Variants in PKD1 observed in about 807,000 individuals in gnomAD.
PKD1 encodes polycystin 1, transient receptor potential channel interacting, also known as polycystin-1.
A neutral mutation model predicts 361.7 loss-of-function variants in PKD1; 81 were observed. The ratio of observed to expected loss-of-function variants is 0.22; its 90% confidence interval spans 0.19 to 0.27. The LOEUF is 0.27. PKD1 is among the 10% of genes least tolerant of loss of function. The pLI, the probability that PKD1 is intolerant of heterozygous loss-of-function variation, is 1.00. For synonymous variants in PKD1, 3,615 were observed against 2,818.3 expected, an observed-to-expected ratio of 1.28 and a Z score of -8.95; for missense variants, 6,399 against 6,118.3, an observed-to-expected ratio of 1.05 and a Z score of -1.53.
rs1198592045 is a variant in PKD1, at chr16:2,102,969, G to C, written c.8793C>G (p.Gly2931=). The change falls in exon 24 of 46, where the codon GGC becomes GGG. Residue 2931 remains glycine, a splice_region_variant and synonymous_variant. Coordinates refer to ENST00000262304, the MANE Select transcript of PKD1 (RefSeq NM_001009944.3). ...HLQLNYTLLD[G]HYLSEEPEPY... Reference sequence around the variant, plus strand: ...GCTCAGGTTCCTCAGACAGGTAGTGGCCTGGGGCAGAACGCGCAGGTCACA... The same window carrying C: ...GCTCAGGTTCCTCAGACAGGTAGTGCCCTGGGGCAGAACGCGCAGGTCACA... 6.2e-7 allele frequency: 1 copy of C among 1,604,004 alleles called. No homozygotes were observed. The highest frequency in any genetic ancestry group is 1.1e-5 in the South Asian group (1 of 90,994).
intron 1 of PKD1, among the ~76,000 whole-genome samples, chr16:2,129,541 ATTTTTTTTTTTT>A (rs71148122): frequency 1.4e-5 from 1 of 72,098 alleles, no homozygotes; most frequent in Non-Finnish European, 2.5e-5. Context: ...AGATCCTGTG[ATTTTTTTTTTTT>A]TTTTTTTTTT....
chr16:2,105,265 T>G, intron 21 of PKD1, 57 bp downstream of exon 21: 4 of 1,574,872 alleles, frequency 2.5e-6, no homozygotes, highest in Non-Finnish European at 3.4e-6. Flanking sequence ...CCTGGGGGGC[T>G]GAACCCAGTG....
In PKD1 at chr16:2,100,373, A is replaced by G; in HGVS notation, c.9568+23T>C. On this transcript the variant is annotated intron_variant, in intron 27 of 45. Coordinates refer to ENST00000262304, the MANE Select transcript of PKD1 (RefSeq NM_001009944.3). This position sits in a 1 kb window ranked among gnomAD's most constrained non-coding sequence, Gnocchi z 4.4. Reference sequence around the variant, plus strand: ...CCCCAATGCGGGGGCAGAGGGGCAGAGCTTGGCAGGGTCCGCACAAACCTT... The same window carrying G: ...CCCCAATGCGGGGGCAGAGGGGCAGGGCTTGGCAGGGTCCGCACAAACCTT... The G allele has an allele frequency of 6.2e-7, 1 of 1,611,170 alleles. No homozygotes were observed. Among genetic ancestry groups the G allele is most frequent in the East Asian group, 2.2e-5 (1 of 44,876 alleles).
At position 2,114,698 on chromosome 16, in the gene PKD1, C is replaced by T. The variant is rs1378165244; in HGVS notation, c.2325G>A (p.Thr775=). 1.7e-5 allele frequency: 26 copies of T among 1,535,996 alleles called. No homozygotes were observed. Among genetic ancestry groups the T allele is most frequent in the Non-Finnish European group, 2.0e-5 (23 of 1,148,098 alleles). ...AGCCCAGCAGCACGGTGAGCTGTTC[C>T]GTGGCTGCAAGCAGCCGCAGGGCAC... The part of the protein sequence containing the change: ...PACALRLLAA[T]EQLTVLLGLR... The change falls in exon 11 of 46, where the codon ACG becomes ACA. Residue 775 remains threonine (T), a synonymous_variant. Coordinates refer to ENST00000262304, the MANE Select transcript of PKD1 (RefSeq NM_001009944.3).
Position 2,108,328 on chromosome 16 carries a change from T to A in PKD1, c.6839A>T (p.Glu2280Val). 6.2e-7 allele frequency: 1 copy of A among 1,606,320 alleles called. No individual in the cohort carries two copies. The highest frequency in any genetic ancestry group is 8.5e-7 in the Non-Finnish European group (1 of 1,176,270). The part of the protein sequence containing the change: ...DTRDLVLDGS[E>V]SYDPNLEDGD... ...GTCCTCCAGGTTGGGGTCGTAGGAC[T>A]CGCTCCCATCCAGCACCAGGTCCCG... Residue 2280 changes from glutamate (E) to valine (V), a missense_variant, in exon 15 of 46, where the codon GAG (glutamate) becomes GTG (valine). By Grantham distance (121) the Glu-to-Val change is moderately radical. Transcript: ENST00000262304.
intron 22 of PKD1, 76 bp downstream of exon 22, chr16:2,104,422 C>T (rs190079885): frequency 0.013 from 13,592 of 1,021,612 alleles, 106 homozygotes; most frequent in Non-Finnish European, 0.017. Context: ...AAAGGCGACG[C>T]GGTTGGGGGG....
At chr16:2,098,155 C>T (rs1286008413) in intron 30 of PKD1, 171 bp from the exon 31 acceptor site, 14 of 608,418 alleles carry the variant, frequency 2.3e-5, no homozygotes, top group South Asian at 3.8e-5. Context: ...CCCCTCGCGA[C>T]GTGTGCCACT....
In PKD1 at chr16:2,109,748, T is replaced by C. The variant is rs2092451879; in HGVS notation, c.5419A>G (p.Ile1807Val). 2 of 1,609,416 alleles carry C rather than the reference T, an allele frequency of 1.2e-6. No individual in the cohort carries two copies. The highest frequency in any genetic ancestry group is 1.7e-6 in the Non-Finnish European group (2 of 1,179,282). Residue 1807 changes from isoleucine to valine, a missense_variant, in exon 15 of 46, where the codon ATC becomes GTC. By Grantham distance (29) the Ile-to-Val change is conservative (BLOSUM62 3). Transcript: ENST00000262304. Reference sequence around the variant, plus strand: ...CTGCCTCCGGGCTCGCTGGCCCTGATGCTGAGGCCACTCACAGGCACCTGC... The same window carrying C: ...CTGCCTCCGGGCTCGCTGGCCCTGACGCTGAGGCCACTCACAGGCACCTGC... Reference protein sequence around the residue: ...DVQVPVSGLSIRASEPGGSFV... With the variant: ...DVQVPVSGLSVRASEPGGSFV...
At chr16:2,117,271 T>G (rs2092653309) in intron 6 of PKD1, among the ~76,000 whole-genome samples, 1 of 152,114 alleles carries the variant, frequency 6.6e-6, no homozygotes, top group African/African-American at 2.4e-5. Flanking sequence ...CCACCTCCCG[T>G]ATGGCGTGCC....
rs538602738 is a variant in PKD1 at position 2,109,797 on chromosome 16, G to A, written c.5370C>T (p.Ala1790=). Residue 1790 remains alanine, a synonymous_variant, in exon 15 of 46, where the codon GCC becomes GCT. Coordinates refer to ENST00000262304, the MANE Select transcript of PKD1 (RefSeq NM_001009944.3). The stretch of plus-strand genomic sequence containing the variant: ...GCACATCCACTTCCACGGTGGCGTT[G>A]GCTGAGCCCAGCGGGTTCCCTGCCG... ...TMTAGNPLGS[A]NATVEVDVQV... 3.2e-5 allele frequency: 52 copies of A among 1,610,268 alleles called. No homozygotes were observed. In the African/African-American group the frequency reaches 5.3e-4, roughly 17 times the overall value.
chr16:2,130,917 C>G (rs1210707687), intron 1 of PKD1, among the ~76,000 whole-genome samples: 1 of 152,190 alleles, frequency 6.6e-6, no homozygotes, highest in African/African-American at 2.4e-5. Context: ...AGCAGCAGAC[C>G]CAGGTGACCC....
intron 16 of PKD1, 95 bp from the exon 17 acceptor site, chr16:2,107,043 T>C: frequency 8.3e-7 from 1 of 1,211,702 alleles, no homozygotes; most frequent in Non-Finnish European, 1.2e-6. Context: ...AAACTCCAGG[T>C]TTCCCAGGGG....
At chr16:2,115,099 C>T in intron 10 of PKD1, 174 bp from the exon 11 acceptor site, 1 of 984,552 alleles carries the variant, frequency 1.0e-6, no homozygotes, top group Non-Finnish European at 1.2e-6. Flanking sequence ...CCGGGGGACA[C>T]ACGGGGAGAG....
Position 2,116,619 on chromosome 16 carries a change from G to A in PKD1, c.1632C>T (p.Leu544=). The A allele has an allele frequency of 5.2e-6, 8 of 1,552,076 alleles. No individual in the cohort carries two copies. Among genetic ancestry groups the A allele is most frequent in the Non-Finnish European group, 6.1e-6 (7 of 1,152,580 alleles). The change falls in exon 8 of 46, where the codon CTC becomes CTT. Residue 544 remains leucine, a synonymous_variant. Coordinates refer to ENST00000262304, the MANE Select transcript of PKD1 (RefSeq NM_001009944.3). ...PGGPVQDAEN[L]LVGAPSGDLQ... ...GGTCCCCACTGGGCGCTCCCACGAG[G>A]AGGTTCTCGGCATCCTGCACTGGGC... is the stretch of plus-strand genomic sequence containing the variant.
Position 2,100,298 on chromosome 16 carries a change from C to T in PKD1, c.9580G>A (p.Ala3194Thr). 1.2e-6 allele frequency: 2 copies of T among 1,610,808 alleles called. No homozygotes were observed. Among genetic ancestry groups the T allele is most frequent in the Non-Finnish European group, 1.7e-6 (2 of 1,179,750 alleles). ...VWHDNKGLSPAWFLQHVIVRD... is the reference protein window; with the variant it reads ...VWHDNKGLSPTWFLQHVIVRD... ...ACGATGACGTGCTGCAGGAACCAGG[C>T]AGGGCTGAGCCCTGCAGAGGCGCAG... Residue 3194 changes from alanine (A) to threonine (T), a missense_variant, in exon 28 of 46, where the codon GCC becomes ACC. Ala to Thr is a moderately conservative substitution (Grantham distance 58). Transcript: ENST00000262304. The surrounding 1 kb of genome is among the most constrained non-coding windows in gnomAD (Gnocchi z 4.4).
intron 38 of PKD1, 112 bp downstream of exon 38, chr16:2,092,842 G>C: frequency 3.0e-6 from 4 of 1,350,362 alleles, no homozygotes; most frequent in Non-Finnish European, 1.1e-6. Flanking sequence ...CCTACCTCCA[G>C]TTCTAGCAGC....
At chr16:2,091,753 C>A in intron 41 of PKD1, 28 bp downstream of exon 41, 1 of 1,608,256 alleles carries the variant, frequency 6.2e-7, no homozygotes. Context: ...GCGGCCACCC[C>A]GGAGAGGGCA....
At chr16:2,098,268 G>T in intron 30 of PKD1, 1 of 504,560 alleles carries the variant, frequency 2.0e-6, no homozygotes, top group South Asian at 2.1e-5. Flanking sequence ...GAGTGCAATG[G>T]CGCAATCTCA....
chr16:2,123,306 C>T lies in PKD1; in HGVS notation c.216-3928G>A, dbSNP rs1359761994. 6.6e-5 allele frequency among the ~76,000 whole-genome samples: 10 copies of T among 152,128 alleles called. No homozygotes were observed. In the East Asian group the frequency reaches 1.4e-3, roughly 21 times the overall value. On this transcript the variant is annotated intron_variant, in intron 1 of 45. Coordinates refer to ENST00000262304, the MANE Select transcript of PKD1 (RefSeq NM_001009944.3). The stretch of plus-strand genomic sequence containing the variant: ...CAGTGGAATGAAGCTGGGGCCCAGA[C>T]AGGAGCCAGGTGCAGTCCCCCAGCC...
Sources: allele counts gnomAD v4.1 joint callset (sites outside exome capture counted in the v4.1 genomes callset), GRCh38; gene constraint gnomAD v4.1.1; non-coding constraint Gnocchi (gnomAD v3.1); transcripts MANE v1.5; gene names NCBI Gene and HGNC (gene_info 2026-07-23, HGNC 2026-07-21).